CCBE1: variants seen among roughly 807,000 people sequenced by gnomAD.
The protein encoded by CCBE1 is collagen and calcium binding EGF domains 1.
A neutral mutation model predicts 50.0 loss-of-function variants in CCBE1; 37 were observed. The observed-to-expected ratio is 0.74, with a 90% CI of 0.57 to 0.97. The LOEUF is 0.97. Among genes scored for constraint, CCBE1 ranks in the 50% least tolerant of loss-of-function variants. CCBE1 has a pLI of 0.00. For synonymous variants in CCBE1, 234 were observed against 203.7 expected (o/e 1.15, Z -1.27); for missense variants, 538 against 523.8 (o/e 1.03, Z -0.26).
rs139536685 is a variant in CCBE1 at position 59,613,789 on chromosome 18, A to G, written c.212+82840T>C. ...TGGTTAGTTCTTAATGACTTTCACA[A>G]TCCCACACTTGTAACTCTAAACCTC... is the stretch of plus-strand genomic sequence containing the variant. On this transcript the variant is annotated intron_variant, in intron 2 of 10. Transcript: ENST00000439986. Among the ~76,000 whole-genome samples, 336 of 151,302 alleles carry G rather than the reference A, an allele frequency of 2.2e-3. 1 individual carries two copies. In the Middle Eastern group the frequency reaches 0.037, roughly 17 times the overall value.
chr18:59,452,575 A>G (rs185879146), intron 6 of CCBE1, among the ~76,000 whole-genome samples: 20 of 152,344 alleles, frequency 1.3e-4, no homozygotes, highest in Admixed American at 1.3e-3. Flanking sequence ...CCTGGGCGAC[A>G]GAGCGAGACT....
At chr18:59,495,674 G>A (rs914765668) in intron 2 of CCBE1, among the ~76,000 whole-genome samples, 2 of 151,114 alleles carry the variant, frequency 1.3e-5, no homozygotes. Context: ...GAGCAGCTAT[G>A]ACTTGGAAGT....
intron 3 of CCBE1, 129 bp downstream of exon 3, chr18:59,480,057 A>T: frequency 4.3e-6 from 3 of 696,888 alleles, no homozygotes; most frequent in African/African-American, 1.8e-5. Context: ...ATGCCAAAAA[A>T]TATACACAGA....
chr18:59,437,516 C>T (rs1167489537), intron 10 of CCBE1, among the ~76,000 whole-genome samples: 2 of 152,216 alleles, frequency 1.3e-5, no homozygotes, highest in African/African-American at 4.8e-5. Context: ...ACGACTCCTA[C>T]CTCTGTGGCC....
chr18:59,567,144 G>C (rs1044477148), intron 2 of CCBE1, among the ~76,000 whole-genome samples: 1 of 151,966 alleles, frequency 6.6e-6, no homozygotes. Flanking sequence ...TTGAAATGGA[G>C]ATTAGCTCTG....
intron 2 of CCBE1, among the ~76,000 whole-genome samples, chr18:59,602,030 G>T (rs911902667): frequency 2.0e-5 from 3 of 149,372 alleles, no homozygotes; most frequent in Middle Eastern, 3.5e-3. Context: ...CAAGACTGGA[G>T]TAAGAAATGC....
chr18:59,678,375 C>T (rs2054538014), intron 2 of CCBE1, among the ~76,000 whole-genome samples: 1 of 152,078 alleles, frequency 6.6e-6, no homozygotes, highest in African/African-American at 2.4e-5. Context: ...TTATACTAAA[C>T]ATTTAAGACA....
Position 59,591,642 on chromosome 18 carries a change from A to G in CCBE1, c.212+104987T>C, listed in dbSNP as rs148548670. On this transcript the variant is annotated intron_variant, in intron 2 of 10. Transcript: ENST00000439986. The stretch of plus-strand genomic sequence containing the variant: ...ATAAGAAGACTGGCAAAAATGAAAG[A>G]GCTCGAAAACACTCTGTTGCTGAGG... Among the ~76,000 whole-genome samples, 316 of 152,332 alleles carry G rather than the reference A, an allele frequency of 2.1e-3. 4 individuals are homozygous for G. In the East Asian group the frequency reaches 0.032, roughly 15 times the overall value.
At chr18:59,477,687 T>G (rs1277266357) in intron 3 of CCBE1, among the ~76,000 whole-genome samples, 2 of 152,160 alleles carry the variant, frequency 1.3e-5, no homozygotes, top group African/African-American at 4.8e-5. Flanking sequence ...GTATTTACAT[T>G]AAAGCATATC....
intron 2 of CCBE1, among the ~76,000 whole-genome samples, chr18:59,675,158 G>T (rs565996103): frequency 2.0e-5 from 3 of 152,288 alleles, no homozygotes; most frequent in Non-Finnish European, 4.4e-5. Flanking sequence ...GCTGCCCAAA[G>T]TGTCACTAGT....
At chr18:59,467,017 C>A (rs1015299275) in intron 4 of CCBE1, 126 bp from the exon 5 acceptor site, 1 of 818,200 alleles carries the variant, frequency 1.2e-6, no homozygotes, top group Non-Finnish European at 2.0e-6. Context: ...TTGATCAGAG[C>A]AGCCTGGAAT....
intron 2 of CCBE1, among the ~76,000 whole-genome samples, chr18:59,613,844 A>T (rs2053602303): frequency 6.8e-6 from 1 of 146,858 alleles, no homozygotes; most frequent in South Asian, 2.1e-4. Context: ...TGAAGCACAA[A>T]GATGTTTTTC....
chr18:59,643,263 A>AT (rs2054014399), intron 2 of CCBE1, among the ~76,000 whole-genome samples: 1 of 152,118 alleles, frequency 6.6e-6, no homozygotes, highest in African/African-American at 2.4e-5. Flanking sequence ...TTTGACTCTA[A>AT]TTTTCAAACT....
At chr18:59,466,254 G>A (rs558442437) in intron 5 of CCBE1, among the ~76,000 whole-genome samples, 1 of 152,026 alleles carries the variant, frequency 6.6e-6, no homozygotes, top group East Asian at 1.9e-4. Flanking sequence ...GAATCATGGG[G>A]GCAGGTCTTT....
At chr18:59,496,705 C>G (rs1453628465) in intron 2 of CCBE1, among the ~76,000 whole-genome samples, 1 of 152,230 alleles carries the variant, frequency 6.6e-6, no homozygotes, top group Admixed American at 6.5e-5. Context: ...TCCAGGCAAG[C>G]TGTCCAAGAT....
intron 2 of CCBE1, among the ~76,000 whole-genome samples, chr18:59,631,594 A>G (rs1325879100): frequency 6.6e-6 from 1 of 152,218 alleles, no homozygotes; most frequent in East Asian, 1.9e-4. Flanking sequence ...CTACCTGCAA[A>G]TCACACCATG....
chr18:59,478,497 A>G (rs1225733455), intron 3 of CCBE1, among the ~76,000 whole-genome samples: 3 of 152,246 alleles, frequency 2.0e-5, no homozygotes, highest in Non-Finnish European at 4.4e-5. Context: ...AGAGCAGATA[A>G]TTAGCTCTGG....
At chr18:59,639,984 C>T (rs2053964628) in intron 2 of CCBE1, among the ~76,000 whole-genome samples, 1 of 152,004 alleles carries the variant, frequency 6.6e-6, no homozygotes, top group African/African-American at 2.4e-5. Context: ...CCAAAGAAAT[C>T]AAAGATGACT....
chr18:59,470,737 C>A (rs941816942), intron 3 of CCBE1, among the ~76,000 whole-genome samples: 2 of 152,196 alleles, frequency 1.3e-5, no homozygotes, highest in South Asian at 2.1e-4. Context: ...CCGGAGCCAG[C>A]ACCTCATTAA....
Sources: gnomAD v4.1 joint callset for allele counts (sites outside exome capture counted in the v4.1 genomes callset) on GRCh38, gnomAD v4.1.1 for gene constraint, MANE v1.5 for transcripts, NCBI Gene and HGNC (gene_info 2026-07-23, HGNC 2026-07-21) for gene names.